ATE1: variants seen among roughly 807,000 people sequenced by gnomAD.
ATE1 encodes arginyltransferase 1, also known as arginyl-tRNA--protein transferase 1.
A neutral mutation model predicts 70.5 loss-of-function variants in ATE1; 36 were observed. That is an observed-to-expected ratio of 0.51 (90% CI 0.39 to 0.67). The LOEUF (loss-of-function observed/expected upper bound fraction) is 0.67. ATE1 is among the 30% of genes least tolerant of loss of function. The pLI, the probability that ATE1 is intolerant of heterozygous loss-of-function variation, is 0.00. For missense variants in ATE1, 593 were observed against 629.5 expected, an observed-to-expected ratio of 0.94 and a Z score of 0.62; for synonymous variants, 232 against 219.3, an observed-to-expected ratio of 1.06 and a Z score of -0.51.
intron 4 of ATE1, among the ~76,000 whole-genome samples, chr10:121,912,630 C>A (rs746224781): frequency 2.6e-5 from 4 of 151,758 alleles, no homozygotes; most frequent in Non-Finnish European, 5.9e-5. Context: ...CCAGCCCGGG[C>A]GACAGAGCAA....
chr10:121,927,187 A>G (rs1028866647), intron 1 of ATE1: 1 of 985,338 alleles, frequency 1.0e-6, no homozygotes, highest in Non-Finnish European at 1.2e-6. Flanking sequence ...GAAAAACAAA[A>G]CAAACTTGTG....
At chr10:121,798,924 A>AAGAC (rs1193320716) in intron 10 of ATE1, among the ~76,000 whole-genome samples, 1 of 149,286 alleles carries the variant, frequency 6.7e-6, no homozygotes, top group African/African-American at 2.5e-5. Context: ...AAAGGTAATG[A>AAGAC]AGACAGACAT....
intron 8 of ATE1, among the ~76,000 whole-genome samples, chr10:121,868,562 A>G (rs1165390582): frequency 6.6e-6 from 1 of 152,190 alleles, no homozygotes; most frequent in Non-Finnish European, 1.5e-5. Context: ...TTAAAATTCT[A>G]TCTGCCAGAC....
At chr10:121,928,130 A>G, upstream of ATE1, 2 of 1,242,814 alleles carry the variant, frequency 1.6e-6, no homozygotes, top group Non-Finnish European at 2.0e-6. Context: ...CGCCATCTTG[A>G]CCGAGGGCAG....
At chr10:121,908,642 T>C (rs919612784) in intron 5 of ATE1, among the ~76,000 whole-genome samples, 4 of 152,172 alleles carry the variant, frequency 2.6e-5, no homozygotes, top group African/African-American at 7.2e-5. Context: ...AATTTAAGCA[T>C]GGAACATCCA....
chr10:121,831,357 T>G (rs1322317624), intron 10 of ATE1, among the ~76,000 whole-genome samples: 2 of 152,220 alleles, frequency 1.3e-5, no homozygotes, highest in Non-Finnish European at 2.9e-5. Context: ...TATTAATATT[T>G]ATATTTACAC....
chr10:121,909,793 T>C (rs956486683), intron 5 of ATE1, among the ~76,000 whole-genome samples: 1 of 152,188 alleles, frequency 6.6e-6, no homozygotes, highest in African/African-American at 2.4e-5. Flanking sequence ...ATGCCTGTAA[T>C]CTCAGCACTT....
At chr10:121,847,769 A>AT (rs1377852385) in intron 8 of ATE1, among the ~76,000 whole-genome samples, 1 of 150,576 alleles carries the variant, frequency 6.6e-6, no homozygotes, top group Non-Finnish European at 1.5e-5. Flanking sequence ...AAAAAAAAAA[A>AT]AAAAAAAAAA....
At chr10:121,861,117 T>C (rs1329513273) in intron 8 of ATE1, among the ~76,000 whole-genome samples, 1 of 152,150 alleles carries the variant, frequency 6.6e-6, no homozygotes, top group Non-Finnish European at 1.5e-5. Flanking sequence ...TCAAGGCAGA[T>C]GACCCTAATT....
At chr10:121,854,020 T>C (rs1278448291) in intron 8 of ATE1, among the ~76,000 whole-genome samples, 1 of 152,198 alleles carries the variant, frequency 6.6e-6, no homozygotes, top group Non-Finnish European at 1.5e-5. Flanking sequence ...ACTATGACAC[T>C]GAGTATTAGG....
At chr10:121,914,152 T>C (rs1951551078) in intron 3 of ATE1, among the ~76,000 whole-genome samples, 1 of 152,066 alleles carries the variant, frequency 6.6e-6, no homozygotes. Flanking sequence ...CTGCAACCTC[T>C]GCCACTCAGG....
chr10:121,840,756 C>T (rs1322086487), intron 9 of ATE1, among the ~76,000 whole-genome samples: 1 of 150,566 alleles, frequency 6.6e-6, no homozygotes, highest in Non-Finnish European at 1.5e-5. Context: ...TTATATATTA[C>T]ATAACTATAT....
intron 9 of ATE1, 77 bp downstream of exon 9, chr10:121,841,005 T>C (rs1040084684): frequency 8.2e-5 from 102 of 1,244,766 alleles, no homozygotes; most frequent in Non-Finnish European, 1.0e-4. Flanking sequence ...TACTGTTACA[T>C]AATTAAATAT....
chr10:121,826,002 A>G (rs958575738), intron 10 of ATE1, among the ~76,000 whole-genome samples: 4 of 152,238 alleles, frequency 2.6e-5, no homozygotes, highest in African/African-American at 9.6e-5. Flanking sequence ...GAGGAAAGAA[A>G]TTGACATATG....
chr10:121,862,281 T>C (rs979638178), intron 8 of ATE1, among the ~76,000 whole-genome samples: 8 of 152,148 alleles, frequency 5.3e-5, no homozygotes, highest in African/African-American at 1.9e-4. Context: ...GTAACAGCCA[T>C]TCCTTCTGAA....
chr10:121,824,157 TG>T (rs1245716407), intron 10 of ATE1, among the ~76,000 whole-genome samples: 2 of 152,198 alleles, frequency 1.3e-5, no homozygotes, highest in African/African-American at 4.8e-5. Context: ...AATTCTCCTG[TG>T]GTAATTTTTC....
At chr10:121,853,290 GAA>G (rs1362219008) in intron 8 of ATE1, among the ~76,000 whole-genome samples, 89 of 145,590 alleles carry the variant, frequency 6.1e-4, no homozygotes, top group African/African-American at 2.0e-3. Context: ...CGTGAACCCA[GAA>G]GGTGGAGCTT....
rs1381372289 is a variant in ATE1, at chr10:121,927,988, G to C, written c.-39C>G. 9.1e-6 allele frequency: 13 copies of C among 1,432,990 alleles called. No homozygotes were observed. The highest frequency in any genetic ancestry group is 1.5e-5 in the African/African-American group (1 of 66,830). 88.8% of individuals were successfully genotyped at this position (1,432,990 alleles called of 1,614,324 possible). A position where few individuals can be genotyped will look rare whatever the true frequency, so the allele number is the denominator to read the frequency against. On this transcript the variant is annotated 5_prime_UTR_variant, in exon 1 of 12. Transcript: ENST00000224652. ...CGAACGCTCAGCCGCCCGGCCCCGC[G>C]TCGCTAGCGCGGCCGCCGCCGCCAC...
intron 11 of ATE1, among the ~76,000 whole-genome samples, chr10:121,774,871 A>T (rs972078055): frequency 6.6e-6 from 1 of 152,182 alleles, no homozygotes; most frequent in African/African-American, 2.4e-5. Context: ...AAAGAAATGA[A>T]TTAATTTGAA....
Sources: gnomAD v4.1 joint callset for allele counts (sites outside exome capture counted in the v4.1 genomes callset) on GRCh38, gnomAD v4.1.1 for gene constraint, MANE v1.5 for transcripts, NCBI Gene and HGNC (gene_info 2026-07-23, HGNC 2026-07-21) for gene names.